Variants in ARHGAP8 observed in about 807,000 individuals in gnomAD.
ARHGAP8 encodes the protein rho GTPase-activating protein 8.
ARHGAP8 carries 62 observed loss-of-function variants against 46.1 expected under a neutral mutation model. That is an observed-to-expected ratio of 1.34 (90% CI 1.10 to 1.66). The LOEUF is 1.66. ARHGAP8 is among the 40% of genes most tolerant of loss of function. The pLI is 0.00. For missense variants in ARHGAP8, 923 were observed against 568.4 expected (o/e 1.62, Z -6.34); for synonymous variants, 375 against 243.1 (o/e 1.54, Z -5.05).
intron 5 of ARHGAP8, 93 bp downstream of exon 5, chr22:44,814,851 G>A (rs1348159433): frequency 6.9e-7 from 1 of 1,442,820 alleles, no homozygotes; most frequent in Non-Finnish European, 9.5e-7. Flanking sequence ...GCATCATGGA[G>A]GGCCCGTCTC....
chr22:44,843,843 A>T (rs894896654), intron 7 of ARHGAP8, among the ~76,000 whole-genome samples: 2 of 150,926 alleles, frequency 1.3e-5, no homozygotes, highest in African/African-American at 2.5e-5. Context: ...AAAAAAAAAA[A>T]AGGATGGGAT....
intron 10 of ARHGAP8, among the ~76,000 whole-genome samples, chr22:44,855,221 G>T (rs779721961): frequency 2.0e-5 from 3 of 151,778 alleles, no homozygotes; most frequent in Non-Finnish European, 4.4e-5. Flanking sequence ...AAGAAAAAAA[G>T]AATTTTTTTT....
intron 3 of ARHGAP8, among the ~76,000 whole-genome samples, chr22:44,805,107 C>T (rs5765029): frequency 0.41 from 62,210 of 151,980 alleles, 12,926 homozygotes; most frequent in South Asian, 0.54. Flanking sequence ...AGGAAGAGCT[C>T]GTCTCCTGGG....
intron 11 of ARHGAP8, among the ~76,000 whole-genome samples, chr22:44,861,766 G>C (rs890505242): frequency 6.6e-6 from 1 of 152,194 alleles, no homozygotes; most frequent in African/African-American, 2.4e-5. Flanking sequence ...GTAAGATGGG[G>C]AGTAATGACT....
intron 1 of ARHGAP8, among the ~76,000 whole-genome samples, chr22:44,765,644 T>G (rs892891406): frequency 1.3e-5 from 2 of 151,952 alleles, no homozygotes; most frequent in Non-Finnish European, 2.9e-5. Flanking sequence ...GAGGTTTGAG[T>G]GGCATGACAG....
chr22:44,839,324 A>C (rs8137481), intron 7 of ARHGAP8, among the ~76,000 whole-genome samples: 3 of 152,284 alleles, frequency 2.0e-5, no homozygotes, highest in East Asian at 3.9e-4. Context: ...AGTGTCCCCA[A>C]CGTGAAGCTT....
chr22:44,771,242 ATTTTTTT>A (rs368256843), intron 1 of ARHGAP8, among the ~76,000 whole-genome samples: 6 of 108,302 alleles, frequency 5.5e-5, no homozygotes, highest in African/African-American at 1.4e-4. Flanking sequence ...TTGCAAGTAA[ATTTTTTT>A]TTTTTTTTTT....
chr22:44,796,404 C>A (rs1928087879), intron 2 of ARHGAP8, among the ~76,000 whole-genome samples: 1 of 152,044 alleles, frequency 6.6e-6, no homozygotes, highest in Non-Finnish European at 1.5e-5. Flanking sequence ...TGGCCCTCGT[C>A]CCCAGTTCCC....
intron 1 of ARHGAP8, among the ~76,000 whole-genome samples, chr22:44,775,499 G>A (rs1393071497): frequency 6.6e-6 from 1 of 151,936 alleles, no homozygotes; most frequent in Non-Finnish European, 1.5e-5. Flanking sequence ...CCAGGCTGGA[G>A]TGCAATGGCA....
Position 44,862,556 on chromosome 22 carries a change from A to AC in ARHGAP8, c.1265dup (p.Pro423SerfsTer52), listed in dbSNP as rs965722802. On this transcript the variant is annotated frameshift_variant, in exon 12 of 12. Coordinates refer to ENST00000356099, the MANE Select transcript of ARHGAP8 (RefSeq NM_181335.3). LOFTEE classifies it low-confidence loss of function (END_TRUNC). ...CCACGGGCCTCACCAAGCCTACCCT[A>AC]CCTCCGAGTCCCCTGATGGCAGCCA... 4.4e-6 allele frequency: 7 copies of AC among 1,597,770 alleles called. No homozygotes were observed. The highest frequency in any genetic ancestry group is 2.2e-5 in the East Asian group (1 of 44,480).
intron 1 of ARHGAP8, among the ~76,000 whole-genome samples, chr22:44,754,501 G>C (rs760102214): frequency 4.6e-5 from 7 of 151,874 alleles, no homozygotes; most frequent in Non-Finnish European, 1.0e-4. Context: ...GATTACAGGC[G>C]CCCACCACCA....
At chr22:44,849,246 C>T (rs1482927484) in intron 10 of ARHGAP8, 186 bp downstream of exon 10, 2 of 1,136,018 alleles carry the variant, frequency 1.8e-6, no homozygotes, top group African/African-American at 1.6e-5. Context: ...ACAGCCAGTC[C>T]ACACTGTCCA....
intron 10 of ARHGAP8, among the ~76,000 whole-genome samples, chr22:44,858,294 AGTGCACACAT>A (rs987595423): frequency 5.3e-5 from 8 of 151,408 alleles, no homozygotes; most frequent in Non-Finnish European, 2.9e-5. Flanking sequence ...CATGTGGCTG[AGTGCACACAT>A]GTGCATACAT....
Position 44,770,531 on chromosome 22 carries a change from G to C in ARHGAP8, c.-71-15926G>C, listed in dbSNP as rs149535369. Among the ~76,000 whole-genome samples the C allele has an allele frequency of 7.0e-3, 1,061 of 152,006 alleles. 12 individuals are homozygous for C. Among genetic ancestry groups the C allele is most frequent in the African/African-American group, 0.025 (1,022 of 41,454 alleles). ...AGCAGTCCTCCTGCCTCAGCCTCCT[G>C]AGTAGCTGGGATTACAGGTGTCTGC... On this transcript the variant is annotated intron_variant, in intron 1 of 11. Transcript: ENST00000356099.
chr22:44,802,128 C>G lies in ARHGAP8; in HGVS notation c.131C>G (p.Pro44Arg). The G allele has an allele frequency of 6.2e-7, 1 of 1,614,148 alleles. No individual in the cohort carries two copies. The highest frequency in any genetic ancestry group is 1.1e-5 in the South Asian group (1 of 91,082). ...RVVTFSCCRM[P>R]PSHELDHQRL... ...GTCACGTTCAGCTGCTGCCGGATGC[C>G]ACCCTCCCACGAGCTGGACCACCAG... The change falls in exon 3 of 12, where the codon CCA becomes CGA. Residue 44 changes from proline (P) to arginine (R), a missense_variant. Pro to Arg is a moderately radical substitution (Grantham distance 103). Coordinates refer to ENST00000356099, the MANE Select transcript of ARHGAP8 (RefSeq NM_181335.3).
intron 1 of ARHGAP8, among the ~76,000 whole-genome samples, chr22:44,781,453 A>G (rs978232977): frequency 2.0e-5 from 3 of 152,128 alleles, no homozygotes; most frequent in African/African-American, 7.2e-5. Flanking sequence ...TTTCCTTACC[A>G]TAGTGCTTCC....
intron 1 of ARHGAP8, among the ~76,000 whole-genome samples, chr22:44,784,099 TTAAAAA>T: frequency 6.6e-6 from 1 of 151,294 alleles, no homozygotes; most frequent in Non-Finnish European, 1.5e-5. Flanking sequence ...ACCATGCAAA[TTAAAAA>T]TAAAAAAAAA....
intron 2 of ARHGAP8, among the ~76,000 whole-genome samples, chr22:44,790,507 C>T (rs755894153): frequency 6.6e-6 from 1 of 151,698 alleles, no homozygotes; most frequent in Admixed American, 6.6e-5. Context: ...GAAACCCCGT[C>T]TCTACTAAAA....
Position 44,786,187 on chromosome 22 carries a change from AGGTAG to A in ARHGAP8, c.-71-267_-71-263del, listed in dbSNP as rs1927209077. The A allele has an allele frequency of 1.1e-5, 6 of 562,576 alleles. No homozygotes were observed. The African/African-American group carries it at 1.1e-4, about 11-fold the overall frequency. The allele number at this position is 562,576 out of a possible 1,614,324, so 34.8% of individuals were successfully genotyped here. A position where few individuals can be genotyped will look rare whatever the true frequency, so the allele number is the denominator to read the frequency against. ...CGAGTGCATAATGGGTGCTCGGCTG[AGGTAG>A]GGCGTATAGTGGGTGCTCGACTGAT... On this transcript the variant is annotated intron_variant, in intron 1 of 11. Transcript: ENST00000356099.
Sources: gnomAD v4.1 joint callset for allele counts (sites outside exome capture counted in the v4.1 genomes callset) on GRCh38, gnomAD v4.1.1 for gene constraint, MANE v1.5 for transcripts, NCBI Gene and HGNC (gene_info 2026-07-23, HGNC 2026-07-21) for gene names.